INPP5A: variants seen among roughly 807,000 people sequenced by gnomAD.
INPP5A encodes the protein 43 kDa inositol polyphosphate 5-phophatase.
INPP5A carries 14 observed loss-of-function variants against 65.2 expected under a neutral mutation model. The ratio of observed to expected loss-of-function variants is 0.21; its 90% CI spans 0.14 to 0.34. INPP5A has a LOEUF of 0.34. Ranked by LOEUF, INPP5A falls within the 10% of genes least tolerant of loss-of-function variation. The pLI is 1.00. For missense variants in INPP5A, 431 were observed against 545.6 expected, an observed-to-expected ratio of 0.79 and a Z score of 2.09; for synonymous variants, 207 against 208.3, an observed-to-expected ratio of 0.99 and a Z score of 0.05.
At position 132,704,701 on chromosome 10, in the gene INPP5A, C is replaced by G. The variant is rs948700240; in HGVS notation, c.475-3612C>G. On this transcript the variant is annotated intron_variant, in intron 6 of 15. Transcript: ENST00000368594. The surrounding 1 kb of genome is among the most constrained non-coding windows in gnomAD (Gnocchi z 4.5). Reference sequence around the variant, plus strand: ...AGTGGCTGTTCCAGGTGGGCCGTCTCCCCGGAAAGTGCAGGCTGGATTTGG... The same window carrying G: ...AGTGGCTGTTCCAGGTGGGCCGTCTGCCCGGAAAGTGCAGGCTGGATTTGG... 6.6e-6 allele frequency among the ~76,000 whole-genome samples: 1 copy of G among 152,220 alleles called. No homozygotes were observed.
At chr10:132,765,908 G>C (rs1846833846) in intron 12 of INPP5A, 62 bp downstream of exon 12, 2 of 934,076 alleles carry the variant, frequency 2.1e-6, no homozygotes, top group Admixed American at 1.7e-5. Flanking sequence ...CACCCTCCCA[G>C]TCTCTGGTGC....
chr10:132,668,561 A>C (rs1240648594), intron 4 of INPP5A, among the ~76,000 whole-genome samples: 1 of 152,226 alleles, frequency 6.6e-6, no homozygotes, highest in Non-Finnish European at 1.5e-5. Context: ...CTTGATCACT[A>C]TCCATAATGG....
At chr10:132,632,283 G>A (rs951207906) in intron 2 of INPP5A, among the ~76,000 whole-genome samples, 1 of 152,254 alleles carries the variant, frequency 6.6e-6, no homozygotes, top group African/African-American at 2.4e-5. Flanking sequence ...TTGGCTTTCT[G>A]CAGCTGCCTA....
rs907034938 is a variant in INPP5A at position 132,698,335 on chromosome 10, C to G, written c.474+416C>G. On this transcript the variant is annotated intron_variant, in intron 6 of 15. Transcript: ENST00000368594. This position sits in a 1 kb window ranked among gnomAD's most constrained non-coding sequence, Gnocchi z 5.5. Reference sequence around the variant, plus strand: ...GTGAGTGTGGGGCAGGGGCACGGTCCTGTGTCAGATACAGCCTTGGTGGTT... The same window carrying G: ...GTGAGTGTGGGGCAGGGGCACGGTCGTGTGTCAGATACAGCCTTGGTGGTT... 1.3e-5 allele frequency among the ~76,000 whole-genome samples: 2 copies of G among 152,234 alleles called. No individual in the cohort carries two copies. Among genetic ancestry groups the G allele is most frequent in the Admixed American group, 6.5e-5 (1 of 15,286 alleles).
chr10:132,653,974 C>T (rs138341159), intron 4 of INPP5A, among the ~76,000 whole-genome samples: 3 of 152,386 alleles, frequency 2.0e-5, no homozygotes, highest in Non-Finnish European at 4.4e-5. Context: ...CATTCTTCAG[C>T]ACACACGCTT....
rs191157033 is a variant in INPP5A at position 132,599,067 on chromosome 10, C to T, written c.76-8848C>T. Among the ~76,000 whole-genome samples, 914 of 152,300 alleles carry T rather than the reference C, an allele frequency of 6.0e-3. 11 individuals are homozygous for T. Among genetic ancestry groups the T allele is most frequent in the African/African-American group, 0.021 (869 of 41,552 alleles). On this transcript the variant is annotated intron_variant, in intron 1 of 15. Coordinates refer to ENST00000368594, the MANE Select transcript of INPP5A (RefSeq NM_005539.5). ...GGGGACACAGCCAAACCATATCATT[C>T]CATCCCTGGCCCCTCCAAACCTCAT...
chr10:132,779,332 A>C (rs1463235202), intron 13 of INPP5A, among the ~76,000 whole-genome samples: 2 of 152,256 alleles, frequency 1.3e-5, no homozygotes, highest in Admixed American at 6.5e-5. Flanking sequence ...CGGGTCAGGC[A>C]TGTGGAGCCC....
Position 132,538,635 on chromosome 10 carries a change from C to G in INPP5A, c.75+464C>G, listed in dbSNP as rs565138396. Reference sequence around the variant, plus strand: ...TGGCCCTGGAATGCCCATCCCCAACCCTGGCCCTGAACCCCAGGTCCATGG... The same window carrying G: ...TGGCCCTGGAATGCCCATCCCCAACGCTGGCCCTGAACCCCAGGTCCATGG... On this transcript the variant is annotated intron_variant, in intron 1 of 15. Coordinates refer to ENST00000368594, the MANE Select transcript of INPP5A (RefSeq NM_005539.5). The surrounding 1 kb of genome is among the most constrained non-coding windows in gnomAD (Gnocchi z 4.1). Among the ~76,000 whole-genome samples, 627 of 152,312 alleles carry G rather than the reference C, an allele frequency of 4.1e-3. 3 individuals are homozygous for G. Among genetic ancestry groups the G allele is most frequent in the Non-Finnish European group, 6.8e-3 (465 of 68,034 alleles).
chr10:132,710,611 G>A (rs1845618554), intron 8 of INPP5A, among the ~76,000 whole-genome samples, 155 bp downstream of exon 8: 1 of 151,692 alleles, frequency 6.6e-6, no homozygotes, highest in Non-Finnish European at 1.5e-5. Flanking sequence ...CAGTGTGGAT[G>A]GAGAGGTAGG....
At chr10:132,665,985 G>A (rs1215640537) in intron 4 of INPP5A, among the ~76,000 whole-genome samples, 1 of 151,684 alleles carries the variant, frequency 6.6e-6, no homozygotes, top group Non-Finnish European at 1.5e-5. Flanking sequence ...AGCCTGGGAG[G>A]TGGAGGTAGC....
intron 4 of INPP5A, among the ~76,000 whole-genome samples, chr10:132,688,986 AGT>A (rs943418751): frequency 3.3e-5 from 5 of 151,904 alleles, no homozygotes; most frequent in East Asian, 1.9e-4. Flanking sequence ...TATGTGTGCA[AGT>A]GTGTGTGAGT....
chr10:132,689,129 C>T (rs933931083), intron 4 of INPP5A, among the ~76,000 whole-genome samples: 7 of 152,212 alleles, frequency 4.6e-5, no homozygotes, highest in Admixed American at 1.3e-4. Context: ...AGGCGTTGCC[C>T]TTGTGTTGCC....
intron 4 of INPP5A, among the ~76,000 whole-genome samples, chr10:132,680,565 G>T (rs1326103150): frequency 6.6e-6 from 1 of 152,270 alleles, no homozygotes; most frequent in Non-Finnish European, 1.5e-5. Context: ...TGGCGGCACT[G>T]GAGGAGCCCT....
Position 132,755,816 on chromosome 10 carries a change from C to T in INPP5A, c.903+5971C>T, listed in dbSNP as rs533528465. On this transcript the variant is annotated intron_variant, in intron 11 of 15. Transcript: ENST00000368594. ...CAGAGGAGGCTCCAGGGGCCTGACACGGCTCTGCAGGTCTCTCTTGGAGAC... is the reference window on the plus strand; with the variant it reads ...CAGAGGAGGCTCCAGGGGCCTGACATGGCTCTGCAGGTCTCTCTTGGAGAC... Among the ~76,000 whole-genome samples, 5 of 152,292 alleles carry T rather than the reference C, an allele frequency of 3.3e-5. No individual in the cohort carries two copies. The South Asian group carries it at 1.0e-3, about 32-fold the overall frequency.
At chr10:132,631,340 A>C (rs1350454123) in intron 2 of INPP5A, among the ~76,000 whole-genome samples, 1 of 152,000 alleles carries the variant, frequency 6.6e-6, no homozygotes, top group Non-Finnish European at 1.5e-5. Context: ...GGGTCCCAGC[A>C]CCCGTTGCAG....
chr10:132,773,012 A>G (rs1428722547), intron 12 of INPP5A, among the ~76,000 whole-genome samples: 1 of 152,226 alleles, frequency 6.6e-6, no homozygotes, highest in African/African-American at 2.4e-5. Context: ...ACAGGTGGAG[A>G]GGACGCCCTG....
intron 3 of INPP5A, among the ~76,000 whole-genome samples, chr10:132,647,058 TA>T (rs1177514746): frequency 2.0e-5 from 3 of 150,862 alleles, no homozygotes; most frequent in South Asian, 2.1e-4. Context: ...TTTCAGCTGC[TA>T]AAAAAAACTG....
intron 4 of INPP5A, among the ~76,000 whole-genome samples, chr10:132,686,749 C>G (rs1009857292): frequency 3.9e-5 from 6 of 152,146 alleles, no homozygotes; most frequent in Admixed American, 3.3e-4. Flanking sequence ...ATGTTTGCAG[C>G]GACATTTATT....
At chr10:132,584,238 CAACCATTTGGAAAACACT>C (rs2071520970) in intron 1 of INPP5A, among the ~76,000 whole-genome samples, 1 of 152,224 alleles carries the variant, frequency 6.6e-6, no homozygotes, top group Non-Finnish European at 1.5e-5. Flanking sequence ...GATTAACCAC[CAACCATTTGGAAAACACT>C]AACCATTTGG....
Sources: allele counts gnomAD v4.1 joint callset (sites outside exome capture counted in the v4.1 genomes callset), GRCh38; gene constraint gnomAD v4.1.1; non-coding constraint Gnocchi (gnomAD v3.1); transcripts MANE v1.5; gene names NCBI Gene and HGNC (gene_info 2026-07-23, HGNC 2026-07-21).